The following PSMD11 variants were observed in gnomAD, a reference collection of about 807,000 sequenced individuals.
PSMD11 encodes the protein 26S proteasome non-ATPase regulatory subunit 11.
PSMD11 carries 5 observed loss-of-function variants against 62.3 expected under a neutral mutation model. The observed-to-expected ratio is 0.08, with a 90% CI of 0.04 to 0.17. The LOEUF (loss-of-function observed/expected upper bound fraction) is 0.17. PSMD11 is among the 10% of genes least tolerant of loss of function. PSMD11 has a pLI of 1.00. For synonymous variants in PSMD11, 191 were observed against 191.8 expected, an observed-to-expected ratio of 1.00 and a Z score of 0.03; for missense variants, 310 against 512.9, an observed-to-expected ratio of 0.60 and a Z score of 3.82.
At chr17:32,478,193 A>C (rs1375880361) in intron 9 of PSMD11, among the ~76,000 whole-genome samples, 1 of 152,174 alleles carries the variant, frequency 6.6e-6, no homozygotes, top group Non-Finnish European at 1.5e-5. Flanking sequence ...TCTTTCCTGA[A>C]CCTCTCTCCT....
chr17:32,459,752 G>A (rs1225233723), intron 3 of PSMD11, among the ~76,000 whole-genome samples: 1 of 152,072 alleles, frequency 6.6e-6, no homozygotes, highest in Non-Finnish European at 1.5e-5. Context: ...TACAACTTCT[G>A]CCTCCCGGGT....
chr17:32,448,834 T>A (rs1466579244), intron 2 of PSMD11, among the ~76,000 whole-genome samples: 1 of 152,258 alleles, frequency 6.6e-6, no homozygotes, highest in Non-Finnish European at 1.5e-5. Context: ...GACCTAGGAT[T>A]TGAGCTCATG....
At position 32,481,775 on chromosome 17, in the gene PSMD11, C is replaced by G. The variant is rs564047766; in HGVS notation, c.*1023C>G. ...TATTCCTTTTTTAAACAATGAACAT[C>G]GGAAATGAGACTGTGGGGTGTGGTT... is the stretch of plus-strand genomic sequence containing the variant. On this transcript the variant is annotated 3_prime_UTR_variant, in exon 14 of 14. Coordinates refer to ENST00000261712, the MANE Select transcript of PSMD11 (RefSeq NM_002815.4). 1 of 152,042 alleles carries G rather than the reference C, an allele frequency of 6.6e-6. No homozygotes were observed. Among genetic ancestry groups the G allele is most frequent in the Non-Finnish European group, 1.5e-5 (1 of 67,992 alleles). The allele number at this position is 152,042 out of a possible 1,614,324, so 9.4% of individuals were successfully genotyped here. A position where few individuals can be genotyped will look rare whatever the true frequency, so the allele number is the denominator to read the frequency against.
At chr17:32,466,008 T>C (rs1370326095) in intron 5 of PSMD11, among the ~76,000 whole-genome samples, 2 of 152,144 alleles carry the variant, frequency 1.3e-5, no homozygotes, top group African/African-American at 4.8e-5. Context: ...ACTTTTTTTT[T>C]TCTTTGAGAT....
chr17:32,474,647 T>G, intron 7 of PSMD11, 117 bp from the exon 8 acceptor site: 1 of 1,001,822 alleles, frequency 1.0e-6, no homozygotes, highest in Admixed American at 1.8e-5. Flanking sequence ...TTGGGCTGAT[T>G]GTCTGTGTGG....
intron 8 of PSMD11, among the ~76,000 whole-genome samples, chr17:32,475,919 G>A (rs982974094): frequency 1.3e-4 from 19 of 151,778 alleles, no homozygotes; most frequent in Admixed American, 3.3e-4. Context: ...AGTAATAACC[G>A]GTACTCTTGA....
chr17:32,459,235 G>T (rs576611409), intron 3 of PSMD11, among the ~76,000 whole-genome samples: 1 of 150,694 alleles, frequency 6.6e-6, no homozygotes, highest in Non-Finnish European at 1.5e-5. Context: ...TCAAAGGAAT[G>T]TATGGACTGT....
At position 32,481,848 on chromosome 17, in the gene PSMD11, C is replaced by T. The variant is rs1236637031; in HGVS notation, c.*1096C>T. 1 of 151,842 alleles carries T rather than the reference C, an allele frequency of 6.6e-6. No individual in the cohort carries two copies. The highest frequency in any genetic ancestry group is 1.5e-5 in the Non-Finnish European group (1 of 67,988). 9.4% of individuals were successfully genotyped at this position (151,842 alleles called of 1,614,324 possible). On this transcript the variant is annotated 3_prime_UTR_variant, in exon 14 of 14. Transcript: ENST00000261712. ...TTTTCTTTGTTGGGTTTTTGAGCAA[C>T]CTCATGTCCCCTTCCCAGGGAGCTT...
intron 3 of PSMD11, 151 bp downstream of exon 3, chr17:32,454,770 C>T: frequency 1.2e-6 from 1 of 809,924 alleles, no homozygotes; most frequent in Non-Finnish European, 1.9e-6. Context: ...TGTTACAGGG[C>T]ATTTGATACT....
At chr17:32,471,472 A>C (rs1908158963) in intron 6 of PSMD11, among the ~76,000 whole-genome samples, 1 of 152,248 alleles carries the variant, frequency 6.6e-6, no homozygotes, top group Non-Finnish European at 1.5e-5. Flanking sequence ...TTTGAAATGA[A>C]AATATAAGAT....
intron 6 of PSMD11, among the ~76,000 whole-genome samples, chr17:32,470,360 T>C (rs1018385967): frequency 6.6e-6 from 1 of 151,774 alleles, no homozygotes; most frequent in Non-Finnish European, 1.5e-5. Context: ...CCACCCAGGC[T>C]GGAATGCAGT....
chr17:32,462,911 C>T (rs1411422203), intron 3 of PSMD11, among the ~76,000 whole-genome samples: 1 of 152,192 alleles, frequency 6.6e-6, no homozygotes, highest in African/African-American at 2.4e-5. Context: ...TGGTCTTGAA[C>T]TCCCGACCTC....
intron 2 of PSMD11, among the ~76,000 whole-genome samples, chr17:32,449,701 A>G (rs1183798190): frequency 1.3e-5 from 2 of 152,222 alleles, no homozygotes; most frequent in African/African-American, 2.4e-5. Context: ...AAGTTTGATG[A>G]GTATAGGTAT....
In PSMD11 at chr17:32,464,073, G is replaced by A; in HGVS notation, c.343G>A (p.Glu115Lys). The change falls in exon 4 of 14, where the codon GAA becomes AAA. Residue 115 changes from glutamate (E) to lysine (K), a missense_variant. Around this residue, in one of 6 missense-constraint regions of PSMD11, gnomAD observed 47 missense variants for 59.0 expected, o/e 0.80. Transcript: ENST00000261712. ...QEVELCLECIEWAKSEKRTFL... is the reference protein window; with the variant it reads ...QEVELCLECIKWAKSEKRTFL... ...GGTCGAGCTGTGTTTAGAGTGCATC[G>A]AATGGGCCAAGTCAGAGAAAAGAAC... 2 of 1,614,068 alleles carry A rather than the reference G, an allele frequency of 1.2e-6. No homozygotes were observed. Among genetic ancestry groups the A allele is most frequent in the Non-Finnish European group, 1.7e-6 (2 of 1,179,988 alleles).
chr17:32,459,142 ATTTTTTTTTTTGCT>A (rs1907745853), intron 3 of PSMD11, among the ~76,000 whole-genome samples: 1 of 132,378 alleles, frequency 7.6e-6, no homozygotes, highest in African/African-American at 2.8e-5. Context: ...ATATATATGT[ATTTTTTTTTTTGCT>A]TATATACTCT....
chr17:32,454,384 G>A, intron 2 of PSMD11, 111 bp from the exon 3 acceptor site: 1 of 1,084,106 alleles, frequency 9.2e-7, no homozygotes, highest in Non-Finnish European at 1.4e-6. Flanking sequence ...CACTTAGACT[G>A]ATTCCAGTGA....
At chr17:32,470,685 A>C (rs1318736949) in intron 6 of PSMD11, among the ~76,000 whole-genome samples, 1 of 152,178 alleles carries the variant, frequency 6.6e-6, no homozygotes, top group African/African-American at 2.4e-5. Context: ...GCAGTATACC[A>C]GTTCTTGGGC....
Position 32,453,909 on chromosome 17 carries a change from C to T in PSMD11, c.194-586C>T, listed in dbSNP as rs9894550. Among the ~76,000 whole-genome samples the T allele has an allele frequency of 1.6e-3, 236 of 152,252 alleles. 1 individual carries two copies. Among genetic ancestry groups the T allele is most frequent in the African/African-American group, 5.3e-3 (222 of 41,554 alleles). ...GGAATTTAAAAGAGATATAGCAGCA[C>T]TTTAAGGGCAAAACACTCTTCTATG... is the stretch of plus-strand genomic sequence containing the variant. On this transcript the variant is annotated intron_variant, in intron 2 of 13. Transcript: ENST00000261712.
intron 1 of PSMD11, 109 bp downstream of exon 1, chr17:32,444,723 CTG>C: frequency 7.2e-7 from 1 of 1,387,728 alleles, no homozygotes; most frequent in Non-Finnish European, 9.9e-7. Flanking sequence ...TGCTGACTCA[CTG>C]TGTGAGGGGG....
Sources: gnomAD v4.1 joint callset for allele counts (sites outside exome capture counted in the v4.1 genomes callset) on GRCh38, gnomAD v4.1.1 for gene constraint, gnomAD v4.1.1 regional missense constraint, MANE v1.5 for transcripts, NCBI Gene and HGNC (gene_info 2026-07-23, HGNC 2026-07-21) for gene names.